The following RRP15 variants were observed in gnomAD, a reference collection of about 807,000 sequenced individuals.
RRP15 encodes the protein RRP15-like protein.
In RRP15, 18 loss-of-function variants were observed where a neutral mutation model predicts 27.1. The ratio of observed to expected loss-of-function variants is 0.66; its 90% confidence interval spans 0.46 to 0.98. RRP15 has a LOEUF of 0.98. Among genes scored for constraint, RRP15 ranks in the 50% least tolerant of loss-of-function variants. The pLI is 0.00. For synonymous variants in RRP15, 107 were observed against 109.4 expected, an observed-to-expected ratio of 0.98 and a Z score of 0.14; for missense variants, 359 against 337.8, an observed-to-expected ratio of 1.06 and a Z score of -0.49.
rs1436006907 is a variant in RRP15, at chr1:218,306,275, C to T, written c.503+1150C>T. Among the ~76,000 whole-genome samples the T allele has an allele frequency of 2.6e-5, 4 of 152,322 alleles. No homozygotes were observed. The East Asian group carries it at 7.7e-4, about 29-fold the overall frequency. On this transcript the variant is annotated intron_variant, in intron 3 of 4. Transcript: ENST00000366932. ...ACAGTAGCAGAGCTTCATGTTCCCACTGTTTCCTTTGTCCCATAGAGGGAG... is the reference window on the plus strand; with the variant it reads ...ACAGTAGCAGAGCTTCATGTTCCCATTGTTTCCTTTGTCCCATAGAGGGAG...
At chr1:218,300,779 G>A (rs536764296) in intron 1 of RRP15, among the ~76,000 whole-genome samples, 231 of 152,296 alleles carry the variant, frequency 1.5e-3, no homozygotes, top group South Asian at 6.0e-3. Flanking sequence ...TAGAAACAGC[G>A]GTTATGGTTC....
chr1:218,308,882 GAGTT>G (rs1458100293), intron 4 of RRP15, among the ~76,000 whole-genome samples: 2 of 152,230 alleles, frequency 1.3e-5, no homozygotes, highest in South Asian at 2.1e-4. Flanking sequence ...TTTACTGTAA[GAGTT>G]AGAGAAAGAT....
chr1:218,296,982 T>TA lies in RRP15; in HGVS notation c.140-5312_140-5311insA, dbSNP rs1161393159. On this transcript the variant is annotated intron_variant, in intron 1 of 4. Coordinates refer to ENST00000366932, the MANE Select transcript of RRP15 (RefSeq NM_016052.4). ...AGGTCCTCAGGATCTCTGTCTGTCC[T>TA]CTGATTACTGATTATCATTTATTTA... Among the ~76,000 whole-genome samples, 14 of 152,334 alleles carry TA rather than the reference T, an allele frequency of 9.2e-5. No individual in the cohort carries two copies. The East Asian group carries it at 2.7e-3, about 29-fold the overall frequency.
intron 4 of RRP15, among the ~76,000 whole-genome samples, chr1:218,313,625 A>G (rs2102506488): frequency 6.6e-6 from 1 of 152,302 alleles, no homozygotes; most frequent in Admixed American, 6.5e-5. Flanking sequence ...TTAGTGCGGG[A>G]AATAGCATGG....
intron 2 of RRP15, among the ~76,000 whole-genome samples, chr1:218,304,728 A>G (rs1655868954): frequency 6.6e-6 from 1 of 152,178 alleles, no homozygotes; most frequent in African/African-American, 2.4e-5. Flanking sequence ...ATGGCAGAGC[A>G]GGCATGTGGC....
intron 1 of RRP15, among the ~76,000 whole-genome samples, chr1:218,289,870 C>G (rs1237833210): frequency 1.3e-5 from 2 of 152,166 alleles, no homozygotes; most frequent in African/African-American, 4.8e-5. Flanking sequence ...TTAGTAGAGA[C>G]AGAGTTTCTC....
At chr1:218,287,989 G>A (rs553563989) in intron 1 of RRP15, among the ~76,000 whole-genome samples, 9 of 152,116 alleles carry the variant, frequency 5.9e-5, no homozygotes, top group African/African-American at 1.7e-4. Context: ...AAAATTCATG[G>A]CCTATTTCAG....
chr1:218,324,405 G>C (rs1438846807), intron 4 of RRP15, among the ~76,000 whole-genome samples: 1 of 152,218 alleles, frequency 6.6e-6, no homozygotes. Context: ...TCCGGGCCTG[G>C]GAGTGGGTCC....
At chr1:218,306,807 G>A (rs1655906534) in intron 3 of RRP15, among the ~76,000 whole-genome samples, 1 of 152,086 alleles carries the variant, frequency 6.6e-6, no homozygotes, top group African/African-American at 2.4e-5. Flanking sequence ...TTCATCATGT[G>A]GTCAGTATGA....
intron 1 of RRP15, among the ~76,000 whole-genome samples, chr1:218,291,855 T>C (rs980690374): frequency 2.6e-5 from 4 of 151,354 alleles, no homozygotes; most frequent in African/African-American, 7.3e-5. Context: ...CCTTTTTTTT[T>C]AAGACAAAGT....
At chr1:218,297,258 A>G (rs545291459) in intron 1 of RRP15, among the ~76,000 whole-genome samples, 1 of 152,276 alleles carries the variant, frequency 6.6e-6, no homozygotes, top group East Asian at 1.9e-4. Context: ...CTAGTCATCT[A>G]AAGCTTCTCA....
intron 4 of RRP15, among the ~76,000 whole-genome samples, chr1:218,314,853 G>A (rs1234644859): frequency 1.3e-5 from 2 of 151,822 alleles, no homozygotes; most frequent in Middle Eastern, 3.4e-3. Flanking sequence ...TTAGCCAGGC[G>A]TGGTGGTAGG....
chr1:218,300,122 A>G (rs1655787450), intron 1 of RRP15, among the ~76,000 whole-genome samples: 1 of 152,256 alleles, frequency 6.6e-6, no homozygotes. Context: ...ACTTCAAATT[A>G]AATGTTTTCA....
chr1:218,293,704 G>A (rs977151956), intron 1 of RRP15, among the ~76,000 whole-genome samples: 2 of 152,054 alleles, frequency 1.3e-5, no homozygotes, highest in African/African-American at 2.4e-5. Context: ...TTCACATATT[G>A]TATAAGAAAA....
intron 4 of RRP15, among the ~76,000 whole-genome samples, chr1:218,310,834 C>T (rs1020877081): frequency 3.3e-5 from 5 of 151,916 alleles, no homozygotes; most frequent in South Asian, 2.1e-4. Context: ...TTGCAACTTC[C>T]GCCTCCTGGG....
rs948774235 is a variant in RRP15 at position 218,337,590 on chromosome 1, A to G, written c.*6499A>G. 2.0e-5 allele frequency: 3 copies of G among 152,216 alleles called. No individual in the cohort carries two copies. Among genetic ancestry groups the G allele is most frequent in the Admixed American group, 6.5e-5 (1 of 15,272 alleles). The allele number at this position is 152,216 out of a possible 1,614,324, so 9.4% of individuals were successfully genotyped here. On this transcript the variant is annotated 3_prime_UTR_variant, in exon 5 of 5. Transcript: ENST00000366932. ...TAAGATTAAAAACATTATGGATAGT[A>G]TAAGTTTCTTAAATGCCAACAATGC...
chr1:218,302,798 A>G, intron 2 of RRP15: 3 of 438,926 alleles, frequency 6.8e-6, no homozygotes, highest in Non-Finnish European at 1.2e-5. Flanking sequence ...CGCTGAGGAA[A>G]CATCTTTTTA....
At chr1:218,329,916 C>T (rs576800106) in intron 4 of RRP15, among the ~76,000 whole-genome samples, 3 of 151,692 alleles carry the variant, frequency 2.0e-5, no homozygotes, top group Non-Finnish European at 2.9e-5. Flanking sequence ...TCTCTTGTAA[C>T]CCAGCAAATA....
intron 3 of RRP15, among the ~76,000 whole-genome samples, chr1:218,306,958 T>C (rs1655909591): frequency 6.6e-6 from 1 of 152,194 alleles, no homozygotes; most frequent in African/African-American, 2.4e-5. Flanking sequence ...GTGGCTCCTG[T>C]ATTGGATGCT....
Sources: allele counts gnomAD v4.1 joint callset (sites outside exome capture counted in the v4.1 genomes callset), GRCh38; gene constraint gnomAD v4.1.1; transcripts MANE v1.5; gene names NCBI Gene and HGNC (gene_info 2026-07-23, HGNC 2026-07-21).